The following RAB40B variants were observed in gnomAD, a reference collection of about 807,000 sequenced individuals.
RAB40B encodes the protein RAB40B, member RAS oncogene family.
In RAB40B, 21 loss-of-function variants were observed where a neutral mutation model predicts 24.0. The observed-to-expected ratio is 0.88, with a 90% CI of 0.62 to 1.26. The LOEUF (loss-of-function observed/expected upper bound fraction) is 1.26. Among genes scored for constraint, RAB40B ranks in the 50% most tolerant of loss-of-function variants. The pLI, the probability that RAB40B is intolerant of heterozygous loss-of-function variation, is 0.00. For synonymous variants in RAB40B, 167 were observed against 169.8 expected (o/e 0.98, Z 0.13); for missense variants, 348 against 390.5 (o/e 0.89, Z 0.92).
chr17:82,694,447 A>G (rs1409226699), intron 1 of RAB40B, among the ~76,000 whole-genome samples: 2 of 150,552 alleles, frequency 1.3e-5, no homozygotes, highest in South Asian at 2.1e-4. Flanking sequence ...CAGGCGAATC[A>G]CTTGAACCTG....
rs922406208 is a variant in RAB40B, at chr17:82,656,496, G to A, written c.*1367C>T. 3 of 151,992 alleles carry A rather than the reference G, an allele frequency of 2.0e-5. No individual in the cohort carries two copies. The highest frequency in any genetic ancestry group is 7.2e-5 in the African/African-American group (3 of 41,402). 9.4% of individuals were successfully genotyped at this position (151,992 alleles called of 1,614,324 possible). On this transcript the variant is annotated 3_prime_UTR_variant, in exon 6 of 6. Transcript: ENST00000571995. ...ACAGCCCCTCGGAGCTCCTCACCGA[G>A]GCTCAGGAGCACGGCTCTGATTTCT...
In RAB40B at chr17:82,698,616, C is replaced by G; in HGVS notation, c.-20G>C. 7.0e-7 allele frequency: 1 copy of G among 1,424,222 alleles called. No individual in the cohort carries two copies. The highest frequency in any genetic ancestry group is 9.3e-7 in the Non-Finnish European group (1 of 1,072,132). The allele number at this position is 1,424,222 out of a possible 1,614,324, so 88.2% of individuals were successfully genotyped here. A position where few individuals can be genotyped will look rare whatever the true frequency, so the allele number is the denominator to read the frequency against. On this transcript the variant is annotated 5_prime_UTR_variant, in exon 1 of 6. Coordinates refer to ENST00000571995, the MANE Select transcript of RAB40B (RefSeq NM_006822.3). ...GCTCATCGTGACGGCCCGGCGCCCC[C>G]ACCCATGCCCGGCCTGCGGGGCTGA...
intron 1 of RAB40B, among the ~76,000 whole-genome samples, chr17:82,695,432 C>T (rs2046599371): frequency 6.6e-6 from 1 of 151,238 alleles, no homozygotes; most frequent in African/African-American, 2.5e-5. Context: ...CCTCATGACC[C>T]GCCCACCTTG....
Position 82,683,050 on chromosome 17 carries a change from G to A in RAB40B, c.142+15405C>T, listed in dbSNP as rs539078382. Among the ~76,000 whole-genome samples the A allele has an allele frequency of 7.2e-5, 11 of 152,344 alleles. No individual in the cohort carries two copies. In the South Asian group the frequency reaches 2.3e-3, roughly 32 times the overall value. ...CCCAGGTACTCGGGAGGCTGAGGCA[G>A]GAGAATTGCTTGAATCCGGGAGATG... is the stretch of plus-strand genomic sequence containing the variant. On this transcript the variant is annotated intron_variant, in intron 1 of 5. Transcript: ENST00000571995.
chr17:82,679,615 G>A (rs1268143222), intron 1 of RAB40B, among the ~76,000 whole-genome samples: 1 of 152,172 alleles, frequency 6.6e-6, no homozygotes, highest in Non-Finnish European at 1.5e-5. Flanking sequence ...TTTGTCTTAG[G>A]ACACTAAACT....
chr17:82,691,663 C>T (rs948788200), intron 1 of RAB40B, among the ~76,000 whole-genome samples: 4 of 152,156 alleles, frequency 2.6e-5, no homozygotes, highest in African/African-American at 4.8e-5. Context: ...GCCTGGGCGA[C>T]AGAGCGAGAC....
intron 4 of RAB40B, 50 bp downstream of exon 4, chr17:82,659,530 G>C: frequency 6.3e-7 from 1 of 1,584,144 alleles, no homozygotes. Context: ...CTGGCCTGAC[G>C]TCCTCCCAAG....
rs571878707 is a variant in RAB40B at position 82,675,824 on chromosome 17, G to T, written c.143-11268C>A. 2.0e-5 allele frequency among the ~76,000 whole-genome samples: 3 copies of T among 151,956 alleles called. No individual in the cohort carries two copies. The highest frequency in any genetic ancestry group is 7.2e-5 in the African/African-American group (3 of 41,486). ...GGTTAGGTTTCAGCACCCGAATTTG[G>T]GGGGGTCACAAACATTCACTCTCTT... is the stretch of plus-strand genomic sequence containing the variant. On this transcript the variant is annotated intron_variant, in intron 1 of 5. Transcript: ENST00000571995. The surrounding 1 kb of genome is among the most constrained non-coding windows in gnomAD (Gnocchi z 4.5).
rs1299327194 is a variant in RAB40B, at chr17:82,667,964, G to A, written c.143-3408C>T. On this transcript the variant is annotated intron_variant, in intron 1 of 5. Transcript: ENST00000571995. This position sits in a 1 kb window ranked among gnomAD's most constrained non-coding sequence, Gnocchi z 4.3. ...GACGGGGCACTGATGGGGCCTTTGG[G>A]ATGTTGCTCTTCCGGCTGGAAACCT... Among the ~76,000 whole-genome samples, 1 of 152,128 alleles carries A rather than the reference G, an allele frequency of 6.6e-6. No individual in the cohort carries two copies. The highest frequency in any genetic ancestry group is 1.5e-5 in the Non-Finnish European group (1 of 68,030).
rs546242698 is a variant in RAB40B at position 82,657,740 on chromosome 17, C to T, written c.*123G>A. 3.2e-5 allele frequency: 38 copies of T among 1,173,848 alleles called. No individual in the cohort carries two copies. Among genetic ancestry groups the T allele is most frequent in the African/African-American group, 1.5e-4 (10 of 66,400 alleles). The allele number at this position is 1,173,848 out of a possible 1,614,324, so 72.7% of individuals were successfully genotyped here. On this transcript the variant is annotated 3_prime_UTR_variant, in exon 6 of 6. Transcript: ENST00000571995. ...TGTGTTTCCATCACACGGAAGGCGT[C>T]GCACACATTCGCAAGCAGCATTCGC...
In RAB40B at chr17:82,676,279, A is replaced by C. The variant is rs547384637; in HGVS notation, c.143-11723T>G. The stretch of plus-strand genomic sequence containing the variant: ...AACAGCATCTCCCCCACACACAGTG[A>C]GGGCACCCCTCACCTTCAACAGCCT... On this transcript the variant is annotated intron_variant, in intron 1 of 5. Transcript: ENST00000571995. Among the ~76,000 whole-genome samples, 10 of 115,280 alleles carry C rather than the reference A, an allele frequency of 8.7e-5. No individual in the cohort carries two copies. In the South Asian group the frequency reaches 2.4e-3, roughly 28 times the overall value. 75.6% of individuals were successfully genotyped at this position (115,280 alleles called of 152,430 possible).
chr17:82,660,728 GCATA>G (rs2046160713), intron 3 of RAB40B, among the ~76,000 whole-genome samples: 5 of 150,940 alleles, frequency 3.3e-5, no homozygotes, highest in South Asian at 4.2e-4. Flanking sequence ...ACAGATGCAC[GCATA>G]CACAGTGCAC....
intron 1 of RAB40B, among the ~76,000 whole-genome samples, chr17:82,683,554 G>A (rs546247805): frequency 9.2e-5 from 14 of 152,254 alleles, no homozygotes; most frequent in Non-Finnish European, 1.8e-4. Context: ...TTGGGAGGCC[G>A]AGGTAGGATG....
intron 3 of RAB40B, among the ~76,000 whole-genome samples, chr17:82,660,221 A>G (rs1433504826): frequency 6.6e-6 from 1 of 152,192 alleles, no homozygotes; most frequent in African/African-American, 2.4e-5. Flanking sequence ...AGATGCACAC[A>G]CAGTGCACAC....
At position 82,697,479 on chromosome 17, in the gene RAB40B, G is replaced by T. The variant is rs74002940; in HGVS notation, c.142+976C>A. Among the ~76,000 whole-genome samples, 2 of 152,056 alleles carry T rather than the reference G, an allele frequency of 1.3e-5. No homozygotes were observed. The highest frequency in any genetic ancestry group is 4.8e-5 in the African/African-American group (2 of 41,476). On this transcript the variant is annotated intron_variant, in intron 1 of 5. Transcript: ENST00000571995. This position sits in a 1 kb window ranked among gnomAD's most constrained non-coding sequence, Gnocchi z 4.9. ...TCTCCACGCCCGGCTGCCCTCCTCC[G>T]CCCAGGACTCAGAGCGGGTCTCTGT... is the stretch of plus-strand genomic sequence containing the variant.
Position 82,658,858 on chromosome 17 carries a change from G to A in RAB40B, c.343-145C>T, listed in dbSNP as rs368350438. 19 of 693,708 alleles carry A rather than the reference G, an allele frequency of 2.7e-5. No individual in the cohort carries two copies. The East Asian group carries it at 3.0e-4, about 11-fold the overall frequency. 43.0% of individuals were successfully genotyped at this position (693,708 alleles called of 1,614,324 possible). ...GCATGGGACCTCGTTTGGAAAGACC[G>A]TCTTTGCAGACGTAAATAGTTACGG... On this transcript the variant is annotated intron_variant, in intron 4 of 5. Coordinates refer to ENST00000571995, the MANE Select transcript of RAB40B (RefSeq NM_006822.3).
rs2046382028 is a variant in RAB40B at position 82,675,003 on chromosome 17, T to A, written c.143-10447A>T. Among the ~76,000 whole-genome samples the A allele has an allele frequency of 6.6e-6, 1 of 152,156 alleles. No homozygotes were observed. The highest frequency in any genetic ancestry group is 6.6e-5 in the Admixed American group (1 of 15,266). On this transcript the variant is annotated intron_variant, in intron 1 of 5. Transcript: ENST00000571995. The surrounding 1 kb of genome is among the most constrained non-coding windows in gnomAD (Gnocchi z 4.5). ...GCACCACATTCCTCTGTGCTGAAGC[T>A]ATTTTGAGTTAATTTTCTTGTTTGC...
rs1354151521 is a variant in RAB40B, at chr17:82,698,672, C to A, written c.-76G>T. 5 of 1,108,838 alleles carry A rather than the reference C, an allele frequency of 4.5e-6. No homozygotes were observed. In the East Asian group the frequency reaches 1.9e-4, roughly 42 times the overall value. 68.7% of individuals were successfully genotyped at this position (1,108,838 alleles called of 1,614,324 possible). On this transcript the variant is annotated 5_prime_UTR_variant, in exon 1 of 6. Transcript: ENST00000571995. ...GAGGCGGCGGCCCGGCCCCGAGAGG[C>A]GCCGCGCGGGCCCCGAGTCCTTGCT... is the stretch of plus-strand genomic sequence containing the variant.
chr17:82,684,142 A>G (rs1490764948), intron 1 of RAB40B, among the ~76,000 whole-genome samples: 1 of 147,476 alleles, frequency 6.8e-6, no homozygotes, highest in Non-Finnish European at 1.5e-5. Context: ...AATCGCTTGA[A>G]CCCGGGAGGC....
Sources: gnomAD v4.1 joint callset for allele counts (sites outside exome capture counted in the v4.1 genomes callset) on GRCh38, gnomAD v4.1.1 for gene constraint, Gnocchi (gnomAD v3.1) non-coding constraint, MANE v1.5 for transcripts, NCBI Gene and HGNC (gene_info 2026-07-23, HGNC 2026-07-21) for gene names.